Variants in SLC25A13 observed in about 807,000 individuals in gnomAD.
SLC25A13 encodes electrogenic aspartate/glutamate antiporter SLC25A13, mitochondrial.
SLC25A13 carries 70 observed loss-of-function variants against 85.5 expected under a neutral mutation model. The ratio of observed to expected loss-of-function variants is 0.82; its 90% confidence interval spans 0.68 to 1.00. The LOEUF is 1.00. Ranked by LOEUF, SLC25A13 falls within the 50% of genes least tolerant of loss-of-function variation. The pLI is 0.00. For synonymous variants in SLC25A13, 259 were observed against 288.7 expected, an observed-to-expected ratio of 0.90 and a Z score of 1.04; for missense variants, 765 against 819.8, an observed-to-expected ratio of 0.93 and a Z score of 0.82.
intron 14 of SLC25A13, among the ~76,000 whole-genome samples, chr7:96,144,373 AG>A (rs2116474239): frequency 6.6e-6 from 1 of 152,318 alleles, no homozygotes; most frequent in Non-Finnish European, 1.5e-5. Context: ...GATGACCAAC[AG>A]GAAGATAGAG....
At chr7:96,209,212 A>T (rs1026423041) in intron 4 of SLC25A13, among the ~76,000 whole-genome samples, 3 of 152,086 alleles carry the variant, frequency 2.0e-5, no homozygotes, top group East Asian at 1.9e-4. Context: ...GAAGTCTCTC[A>T]CACACACACA....
chr7:96,178,497 A>AC (rs1794308166), intron 11 of SLC25A13, among the ~76,000 whole-genome samples: 1 of 151,632 alleles, frequency 6.6e-6, no homozygotes, highest in African/African-American at 2.4e-5. Context: ...TCCAGAAGAC[A>AC]CCCCTATTCC....
At chr7:96,251,011 C>T (rs550818612) in intron 3 of SLC25A13, among the ~76,000 whole-genome samples, 26 of 151,988 alleles carry the variant, frequency 1.7e-4, no homozygotes, top group Admixed American at 1.6e-3. Context: ...TCCCTGCTTT[C>T]GTGGAGCTTA....
rs1791510876 is a variant in SLC25A13 at position 96,121,642 on chromosome 7, G to T, written c.1841+13C>A. On this transcript the variant is annotated intron_variant, in intron 17 of 17. Transcript: ENST00000265631. ...CAGCCAAAATTTAGCAGCAGATTTA[G>T]CATGATACTTACACTCCTCCAAAAT... The T allele has an allele frequency of 1.2e-6, 2 of 1,613,622 alleles. No individual in the cohort carries two copies.
chr7:96,264,818 G>A (rs1166956113), intron 3 of SLC25A13, among the ~76,000 whole-genome samples: 3 of 151,480 alleles, frequency 2.0e-5, no homozygotes, highest in Non-Finnish European at 2.9e-5. Context: ...CAAAGTGCTG[G>A]GATTACAGGC....
chr7:96,315,288 T>C (rs1255556764), intron 1 of SLC25A13, among the ~76,000 whole-genome samples: 1 of 152,208 alleles, frequency 6.6e-6, no homozygotes, highest in Non-Finnish European at 1.5e-5. Flanking sequence ...AGCAGGTCTC[T>C]TGAAGCAATG....
intron 3 of SLC25A13, among the ~76,000 whole-genome samples, chr7:96,276,207 T>C (rs1798446083): frequency 6.6e-6 from 1 of 152,210 alleles, no homozygotes; most frequent in African/African-American, 2.4e-5. Context: ...TCTTGTACAT[T>C]ATACTTTGGC....
At chr7:96,309,867 C>A (rs545544369) in intron 1 of SLC25A13, among the ~76,000 whole-genome samples, 1 of 152,164 alleles carries the variant, frequency 6.6e-6, no homozygotes, top group African/African-American at 2.4e-5. Context: ...AGATGACTGG[C>A]CATATATGAA....
rs1288649256 is a variant in SLC25A13 at position 96,301,388 on chromosome 7, ATTC to A, written c.16-4440_16-4438del. ...TTATAACTGCCTGATTTTCTTTATG[ATTC>A]TTCTTCTGAATTTGCATTTGTAAGA... On this transcript the variant is annotated intron_variant, in intron 1 of 17. Coordinates refer to ENST00000265631, the MANE Select transcript of SLC25A13 (RefSeq NM_014251.3). 4.6e-5 allele frequency among the ~76,000 whole-genome samples: 7 copies of A among 152,278 alleles called. No individual in the cohort carries two copies. In the East Asian group the frequency reaches 1.2e-3, roughly 25 times the overall value.
chr7:96,314,267 G>A lies in SLC25A13; in HGVS notation c.15+7675C>T, dbSNP rs1800052682. On this transcript the variant is annotated intron_variant, in intron 1 of 17. Transcript: ENST00000265631. ...ATGAAAGCAGATGGCGAGAAAGAAA[G>A]GGTAGGACACAGGGTCATGTGAGGC... 2.6e-5 allele frequency among the ~76,000 whole-genome samples: 4 copies of A among 152,052 alleles called. 1 individual carries two copies. In the South Asian group the frequency reaches 8.3e-4, roughly 32 times the overall value.
chr7:96,300,174 C>T (rs1277908078), intron 1 of SLC25A13, among the ~76,000 whole-genome samples: 1 of 152,088 alleles, frequency 6.6e-6, no homozygotes, highest in Non-Finnish European at 1.5e-5. Flanking sequence ...CTTTGGGAGG[C>T]CAAGGTGGGA....
At chr7:96,177,003 T>C (rs1016011814) in intron 11 of SLC25A13, among the ~76,000 whole-genome samples, 1 of 152,192 alleles carries the variant, frequency 6.6e-6, no homozygotes, top group African/African-American at 2.4e-5. Context: ...TTACTATCTA[T>C]TGGTTTATTT....
At chr7:96,239,058 T>G (rs1226768402) in intron 3 of SLC25A13, among the ~76,000 whole-genome samples, 1 of 145,976 alleles carries the variant, frequency 6.9e-6, no homozygotes, top group East Asian at 2.0e-4. Context: ...TATATATATA[T>G]ATATATATAT....
intron 4 of SLC25A13, among the ~76,000 whole-genome samples, chr7:96,216,332 C>T (rs1373793851): frequency 6.6e-6 from 1 of 152,018 alleles, no homozygotes; most frequent in African/African-American, 2.4e-5. Flanking sequence ...CTGTGGAATA[C>T]AGTGTGGCAA....
Position 96,284,808 on chromosome 7 carries a change from G to A in SLC25A13, c.70-7470C>T, listed in dbSNP as rs1381527263. 1.6e-4 allele frequency among the ~76,000 whole-genome samples: 25 copies of A among 152,198 alleles called. 1 individual carries two copies. The highest frequency in any genetic ancestry group is 1.6e-3 in the Admixed American group (25 of 15,282). On this transcript the variant is annotated intron_variant, in intron 2 of 17. Coordinates refer to ENST00000265631, the MANE Select transcript of SLC25A13 (RefSeq NM_014251.3). ...CATTCGCCTTCCACCATGATTGTGA[G>A]GCCTCTCTAGCCATGTGGAACTGTG... is the stretch of plus-strand genomic sequence containing the variant.
intron 13 of SLC25A13, among the ~76,000 whole-genome samples, chr7:96,148,190 C>A (rs4729236): frequency 0.42 from 64,009 of 151,926 alleles, 13,710 homozygotes; most frequent in East Asian, 0.58. Flanking sequence ...CACAAAATAC[C>A]AACCTGGGTT....
intron 13 of SLC25A13, among the ~76,000 whole-genome samples, chr7:96,150,414 A>G (rs1584376363): frequency 2.0e-5 from 3 of 152,240 alleles, no homozygotes; most frequent in South Asian, 2.1e-4. Context: ...AGTCCACTCA[A>G]GAGGTACTTT....
At position 96,308,126 on chromosome 7, in the gene SLC25A13, C is replaced by T. The variant is rs921129645; in HGVS notation, c.16-11175G>A. Reference sequence around the variant, plus strand: ...CAAGATCGTGCCACTGCACTCTAGCCTGGGCAACAAGAGCGAAACTCCATC... The same window carrying T: ...CAAGATCGTGCCACTGCACTCTAGCTTGGGCAACAAGAGCGAAACTCCATC... On this transcript the variant is annotated intron_variant, in intron 1 of 17. Coordinates refer to ENST00000265631, the MANE Select transcript of SLC25A13 (RefSeq NM_014251.3). Among the ~76,000 whole-genome samples, 4 of 147,448 alleles carry T rather than the reference C, an allele frequency of 2.7e-5. No individual in the cohort carries two copies. In the South Asian group the frequency reaches 8.5e-4, roughly 31 times the overall value.
chr7:96,209,125 A>C, intron 4 of SLC25A13, 148 bp from the exon 5 acceptor site: 1 of 781,516 alleles, frequency 1.3e-6, no homozygotes, highest in Admixed American at 2.7e-5. Context: ...TGGCAGAAAT[A>C]AAAGAACCCT....
Sources: gnomAD v4.1 joint callset for allele counts (sites outside exome capture counted in the v4.1 genomes callset) on GRCh38, gnomAD v4.1.1 for gene constraint, MANE v1.5 for transcripts, NCBI Gene and HGNC (gene_info 2026-07-23, HGNC 2026-07-21) for gene names.